Variants in PCDH15 observed in about 807,000 individuals in gnomAD.
The protein encoded by PCDH15 is protocadherin-15.
PCDH15 carries 129 observed loss-of-function variants against 178.5 expected under a neutral mutation model. That is an observed-to-expected ratio of 0.72 (90% confidence interval 0.63 to 0.84). The LOEUF is 0.84. Among genes scored for constraint, PCDH15 ranks in the 40% least tolerant of loss-of-function variants. The pLI is 0.00. For synonymous variants in PCDH15, 800 were observed against 732.0 expected (o/e 1.09, Z -1.50); for missense variants, 2,230 against 2,099.9 (o/e 1.06, Z -1.21).
intron 2 of PCDH15, among the ~76,000 whole-genome samples, chr10:55,479,336 C>T (rs1207702119): frequency 6.6e-6 from 1 of 151,586 alleles, no homozygotes; most frequent in Non-Finnish European, 1.5e-5. Context: ...GATGATTCAA[C>T]ATATGCAAAT....
chr10:54,290,634 C>T (rs2059339636), intron 8 of PCDH15, among the ~76,000 whole-genome samples: 1 of 152,170 alleles, frequency 6.6e-6, no homozygotes, highest in South Asian at 2.1e-4. Context: ...AATCAGTGTG[C>T]TGTATTCAAG....
chr10:55,256,143 G>A (rs925938227), intron 1 of PCDH15, among the ~76,000 whole-genome samples: 7 of 152,152 alleles, frequency 4.6e-5, no homozygotes, highest in African/African-American at 1.7e-4. Context: ...GTAAGGAAGA[G>A]ATCCAGTTTC....
intron 2 of PCDH15, among the ~76,000 whole-genome samples, chr10:55,348,118 TTA>T: frequency 6.6e-6 from 1 of 152,244 alleles, no homozygotes; most frequent in Non-Finnish European, 1.5e-5. Context: ...GAAGACCTAG[TTA>T]TATATCTGCC....
At chr10:55,283,817 AC>A (rs1842796439) in intron 1 of PCDH15, among the ~76,000 whole-genome samples, 2 of 152,252 alleles carry the variant, frequency 1.3e-5, no homozygotes, top group East Asian at 3.9e-4. Context: ...TGCAACGTCT[AC>A]TAAAAGTTGT....
chr10:54,474,230 A>G (rs1202685967), intron 3 of PCDH15, among the ~76,000 whole-genome samples: 1 of 151,962 alleles, frequency 6.6e-6, no homozygotes, highest in Non-Finnish European at 1.5e-5. Flanking sequence ...AGCAATAAAA[A>G]TTAAGTTTAG....
rs537910027 is a variant in PCDH15, at chr10:54,036,440, A to T, written c.2221-13243T>A. 7.3e-5 allele frequency among the ~76,000 whole-genome samples: 11 copies of T among 151,608 alleles called. No homozygotes were observed. The East Asian group carries it at 1.6e-3, about 21-fold the overall frequency. On this transcript the variant is annotated intron_variant, in intron 18 of 37. Transcript: ENST00000644397. ...TCTGAAAATCCTAGTGCACTTAAGA[A>T]TTCTGTTAAATTTACTCTGTCTGTG...
At chr10:54,584,478 T>C (rs976577552) in intron 2 of PCDH15, among the ~76,000 whole-genome samples, 1 of 152,098 alleles carries the variant, frequency 6.6e-6, no homozygotes, top group South Asian at 2.1e-4. Context: ...AGTTGAGATA[T>C]ATGGAACAAG....
intron 21 of PCDH15, among the ~76,000 whole-genome samples, chr10:53,969,769 G>C (rs1042770731): frequency 3.9e-5 from 6 of 152,158 alleles, no homozygotes; most frequent in African/African-American, 1.4e-4. Context: ...AGCTTCATAA[G>C]TGAAGGAGAA....
chr10:54,046,942 T>C (rs1269785570), intron 18 of PCDH15, among the ~76,000 whole-genome samples: 2 of 152,104 alleles, frequency 1.3e-5, no homozygotes, highest in African/African-American at 4.8e-5. Context: ...TAAGTAATTG[T>C]AGTGAGTTAT....
At chr10:54,505,641 T>C (rs766106215) in intron 3 of PCDH15, among the ~76,000 whole-genome samples, 3 of 151,770 alleles carry the variant, frequency 2.0e-5, no homozygotes, top group Non-Finnish European at 4.4e-5. Context: ...CACTGGGGCC[T>C]GTCGGGGGGT....
intron 1 of PCDH15, among the ~76,000 whole-genome samples, chr10:55,191,610 T>C (rs922198700): frequency 1.3e-5 from 2 of 151,908 alleles, no homozygotes; most frequent in African/African-American, 4.8e-5. Flanking sequence ...TATAACTACA[T>C]TACAAGATGT....
intron 25 of PCDH15, among the ~76,000 whole-genome samples, chr10:53,921,540 A>G (rs2083997567): frequency 6.6e-6 from 1 of 152,104 alleles, no homozygotes; most frequent in African/African-American, 2.4e-5. Context: ...CCCCTGGCCA[A>G]GGATACACAG....
chr10:54,316,254 A>T (rs61853319), intron 8 of PCDH15, among the ~76,000 whole-genome samples: 31,131 of 151,964 alleles, frequency 0.2, 3,247 homozygotes, highest in Admixed American at 0.23. Flanking sequence ...AGAAAAACCA[A>T]TAGATGTATT....
chr10:54,657,723 A>G (rs1375885645), intron 2 of PCDH15, among the ~76,000 whole-genome samples: 1 of 152,192 alleles, frequency 6.6e-6, no homozygotes, highest in Non-Finnish European at 1.5e-5. Flanking sequence ...ATGATAGAAA[A>G]TTCAAAAATA....
At chr10:54,328,286 G>C (rs1001061705) in intron 7 of PCDH15, among the ~76,000 whole-genome samples, 4 of 151,848 alleles carry the variant, frequency 2.6e-5, no homozygotes, top group Non-Finnish European at 4.4e-5. Context: ...ATGCATTCAA[G>C]ATTTCTCCAT....
chr10:54,927,619 T>C (rs950436631), intron 2 of PCDH15, among the ~76,000 whole-genome samples: 8 of 152,192 alleles, frequency 5.3e-5, no homozygotes, highest in Non-Finnish European at 1.5e-5. Context: ...TTAGTGCTCC[T>C]GTATTGGGTA....
chr10:54,388,147 C>T (rs549975236), intron 3 of PCDH15, among the ~76,000 whole-genome samples: 67 of 152,262 alleles, frequency 4.4e-4, no homozygotes, highest in African/African-American at 1.6e-3. Context: ...TTGTCCTTAT[C>T]GTATTTGCTA....
chr10:54,036,664 G>T (rs2093424508), intron 18 of PCDH15, among the ~76,000 whole-genome samples: 1 of 151,852 alleles, frequency 6.6e-6, no homozygotes, highest in Admixed American at 6.6e-5. Flanking sequence ...AGATGTAAAA[G>T]GACATCAGTG....
chr10:54,459,289 T>C (rs550777813), intron 3 of PCDH15, among the ~76,000 whole-genome samples: 10 of 152,252 alleles, frequency 6.6e-5, no homozygotes, highest in African/African-American at 2.4e-4. Context: ...TATTAATCTT[T>C]CTTAAAAGTA....
Sources: allele counts gnomAD v4.1 joint callset (sites outside exome capture counted in the v4.1 genomes callset), GRCh38; gene constraint gnomAD v4.1.1; transcripts MANE v1.5; gene names NCBI Gene and HGNC (gene_info 2026-07-23, HGNC 2026-07-21).